The following SV2B variants were observed in gnomAD, a reference collection of about 807,000 sequenced individuals.
The protein encoded by SV2B is solute carrier family 22 member B2.
SV2B carries 41 observed loss-of-function variants against 73.9 expected under a neutral mutation model. The ratio of observed to expected loss-of-function variants is 0.56; its 90% CI spans 0.43 to 0.72. The LOEUF (loss-of-function observed/expected upper bound fraction) is 0.72. Ranked by LOEUF, SV2B falls within the 30% of genes least tolerant of loss-of-function variation. SV2B has a pLI of 0.00. For missense variants in SV2B, 764 were observed against 857.8 expected (o/e 0.89, Z 1.37); for synonymous variants, 314 against 314.2 (o/e 1.00, Z 0.01).
At position 91,110,714 on chromosome 15, in the gene SV2B, C is replaced by G. The variant is rs573036032; in HGVS notation, c.-392+10351C>G. 6.6e-6 allele frequency among the ~76,000 whole-genome samples: 1 copy of G among 152,158 alleles called. No individual in the cohort carries two copies. Among genetic ancestry groups the G allele is most frequent in the Non-Finnish European group, 1.5e-5 (1 of 68,026 alleles). Reference sequence around the variant, plus strand: ...GGGGCTGGAAAGGTCATGGGAATGTCGGGAGCCTCTGCCCTTGACCCTGGA... The same window carrying G: ...GGGGCTGGAAAGGTCATGGGAATGTGGGGAGCCTCTGCCCTTGACCCTGGA... On this transcript the variant is annotated intron_variant, in intron 1 of 12. Coordinates refer to ENST00000394232, the MANE Select transcript of SV2B (RefSeq NM_001323032.3). The surrounding 1 kb of genome is among the most constrained non-coding windows in gnomAD (Gnocchi z 5.4).
chr15:91,266,689 G>T lies in SV2B; in HGVS notation c.1116G>T (p.Lys372Asn). 4.3e-6 allele frequency: 7 copies of T among 1,612,870 alleles called. No homozygotes were observed. Among genetic ancestry groups the T allele is most frequent in the Non-Finnish European group, 5.9e-6 (7 of 1,179,204 alleles). The part of the protein sequence containing the change: ...RWLVRFKTIF[K>N]QVWDNALYCV... ...TGGTCAGATTCAAGACCATTTTCAAGCAGGTATGATTGGGAACTTACTTTG... is the reference window on the plus strand; with the variant it reads ...TGGTCAGATTCAAGACCATTTTCAATCAGGTATGATTGGGAACTTACTTTG... The change falls in exon 7 of 13, where the codon AAG becomes AAT. Residue 372 changes from lysine (K) to asparagine (N), a missense_variant. Transcript: ENST00000394232.
rs753805762 is a variant in SV2B at position 91,140,531 on chromosome 15, C to G, written c.-392+40168C>G. ...CACACACTTCTGGCTGAAACTGGCC[C>G]CTAGTTAGCACTAGCTCATTCATTA... On this transcript the variant is annotated intron_variant, in intron 1 of 12. Coordinates refer to ENST00000394232, the MANE Select transcript of SV2B (RefSeq NM_001323032.3). This position sits in a 1 kb window ranked among gnomAD's most constrained non-coding sequence, Gnocchi z 4.4. Among the ~76,000 whole-genome samples, 9 of 152,112 alleles carry G rather than the reference C, an allele frequency of 5.9e-5. No homozygotes were observed. Among genetic ancestry groups the G allele is most frequent in the Admixed American group, 2.0e-4 (3 of 15,274 alleles).
chr15:91,169,408 T>G (rs1164158215), intron 1 of SV2B, among the ~76,000 whole-genome samples: 1 of 152,138 alleles, frequency 6.6e-6, no homozygotes, highest in Non-Finnish European at 1.5e-5. Flanking sequence ...AACGAATGAA[T>G]GAAAGACAGC....
rs746385056 is a variant in SV2B at position 91,292,401 on chromosome 15, G to A, written c.1901G>A (p.Cys634Tyr). 8.1e-6 allele frequency: 13 copies of A among 1,614,026 alleles called. No individual in the cohort carries two copies. The highest frequency in any genetic ancestry group is 1.0e-5 in the Non-Finnish European group (12 of 1,180,032). Residue 634 changes from cysteine (C) to tyrosine (Y), a missense_variant, in exon 13 of 13, where the codon TGC (cysteine) becomes TAC (tyrosine). Coordinates refer to ENST00000394232, the MANE Select transcript of SV2B (RefSeq NM_001323032.3). Reference sequence around the variant, plus strand: ...GCCTTCGGCATTCTCAATGGATTATGCAAATTTGGCGCCATCCTGGGAAAC... The same window carrying A: ...GCCTTCGGCATTCTCAATGGATTATACAAATTTGGCGCCATCCTGGGAAAC... ...ATAFGILNGLCKFGAILGNTI... is the reference protein window; with the variant it reads ...ATAFGILNGLYKFGAILGNTI...
In SV2B at chr15:91,234,837, A is replaced by T. The variant is rs562527395; in HGVS notation, c.451+8123A>T. ...GTGGGCTTTTACTAGGTGACTGTGC[A>T]TTGGGGAAAGGAAAATAGTCAGACC... On this transcript the variant is annotated intron_variant, in intron 2 of 12. Coordinates refer to ENST00000394232, the MANE Select transcript of SV2B (RefSeq NM_001323032.3). The surrounding 1 kb of genome is among the most constrained non-coding windows in gnomAD (Gnocchi z 5.6). Among the ~76,000 whole-genome samples, 1 of 152,330 alleles carries T rather than the reference A, an allele frequency of 6.6e-6. No homozygotes were observed. Among genetic ancestry groups the T allele is most frequent in the African/African-American group, 2.4e-5 (1 of 41,574 alleles).
chr15:91,164,944 T>A (rs2043857417), intron 1 of SV2B, among the ~76,000 whole-genome samples: 1 of 152,218 alleles, frequency 6.6e-6, no homozygotes, highest in South Asian at 2.1e-4. Context: ...TTCTAAACAT[T>A]ACAAAATTAT....
Position 91,214,886 on chromosome 15 carries a change from T to A in SV2B, c.-391-10987T>A, listed in dbSNP as rs773137045. On this transcript the variant is annotated intron_variant, in intron 1 of 12. Coordinates refer to ENST00000394232, the MANE Select transcript of SV2B (RefSeq NM_001323032.3). The surrounding 1 kb of genome is among the most constrained non-coding windows in gnomAD (Gnocchi z 4.7). ...CTTCAGGAGCAAGCCTTCTGCCATC[T>A]GCCAGGCAGTTCTGTTTTGGATAAA... Among the ~76,000 whole-genome samples the A allele has an allele frequency of 2.6e-5, 4 of 152,250 alleles. No individual in the cohort carries two copies. The highest frequency in any genetic ancestry group is 4.4e-5 in the Non-Finnish European group (3 of 68,044).
chr15:91,175,217 A>G (rs565118769), intron 1 of SV2B, among the ~76,000 whole-genome samples: 1 of 151,838 alleles, frequency 6.6e-6, no homozygotes, highest in East Asian at 1.9e-4. Flanking sequence ...AAGCTGATCT[A>G]TTGGGTGTTT....
At chr15:91,146,484 G>A (rs1474089065) in intron 1 of SV2B, among the ~76,000 whole-genome samples, 1 of 152,098 alleles carries the variant, frequency 6.6e-6, no homozygotes, top group Non-Finnish European at 1.5e-5. Context: ...TGTGAAGAAT[G>A]TCAACGGTAG....
rs2047495628 is a variant in SV2B, at chr15:91,251,848, G to T, written c.481G>T (p.Gly161Cys). 6.2e-7 allele frequency: 1 copy of T among 1,614,060 alleles called. No homozygotes were observed. Among genetic ancestry groups the T allele is most frequent in the Non-Finnish European group, 8.5e-7 (1 of 1,180,020 alleles). ...GATAGTCTACTTGGGAATGATGGCG[G>T]GCGCCTTCATCCTGGGAGGCCTGGC... ...GMIVYLGMMA[G>C]AFILGGLADK... The change falls in exon 3 of 13, where the codon GGC (glycine) becomes TGC (cysteine). Residue 161 changes from glycine to cysteine, a missense_variant. Physicochemically the swap from Gly to Cys is radical, Grantham distance 159. Coordinates refer to ENST00000394232, the MANE Select transcript of SV2B (RefSeq NM_001323032.3).
Position 91,300,051 on chromosome 15 carries a change from G to C in SV2B, c.*7499G>C, listed in dbSNP as rs2049391530. On this transcript the variant is annotated 3_prime_UTR_variant, in exon 13 of 13. Transcript: ENST00000394232. ...GTGTGCATATATACACACAAGGTTT[G>C]GTTTAATATACTTGCTGTGCACTAG... 6.6e-6 allele frequency: 1 copy of C among 152,164 alleles called. No individual in the cohort carries two copies. The highest frequency in any genetic ancestry group is 1.5e-5 in the Non-Finnish European group (1 of 68,034). 9.4% of individuals were successfully genotyped at this position (152,164 alleles called of 1,614,324 possible). A position where few individuals can be genotyped will look rare whatever the true frequency, so the allele number is the denominator to read the frequency against.
intron 1 of SV2B, among the ~76,000 whole-genome samples, chr15:91,172,739 C>T (rs1022221662): frequency 6.6e-6 from 1 of 152,234 alleles, no homozygotes; most frequent in Non-Finnish European, 1.5e-5. Flanking sequence ...GTTGCCGAAC[C>T]TCTCTGCACT....
chr15:91,124,131 G>T lies in SV2B; in HGVS notation c.-392+23768G>T, dbSNP rs1434385981. Among the ~76,000 whole-genome samples, 1 of 152,120 alleles carries T rather than the reference G, an allele frequency of 6.6e-6. No homozygotes were observed. Among genetic ancestry groups the T allele is most frequent in the Non-Finnish European group, 1.5e-5 (1 of 68,022 alleles). ...GGGCAAACTGTGTTTTGGCTTGCTG[G>T]TACTGGTTTGCCATTCTTTTCTCAC... On this transcript the variant is annotated intron_variant, in intron 1 of 12. Coordinates refer to ENST00000394232, the MANE Select transcript of SV2B (RefSeq NM_001323032.3). The surrounding 1 kb of genome is among the most constrained non-coding windows in gnomAD (Gnocchi z 4.6).
chr15:91,146,538 G>A (rs12905769), intron 1 of SV2B, among the ~76,000 whole-genome samples: 151,661 of 152,364 alleles, frequency 1, 75,483 homozygotes, highest in East Asian at 1. Context: ...TTTGGGCAGT[G>A]TGGCCATTTT....
chr15:91,221,693 G>GCGCACACACA (rs370290337), intron 1 of SV2B, among the ~76,000 whole-genome samples: 35 of 140,156 alleles, frequency 2.5e-4, no homozygotes, highest in African/African-American at 9.5e-4. Context: ...AAGCATGTGC[G>GCGCACACACA]CACACACACA....
chr15:91,198,131 G>A lies in SV2B; in HGVS notation c.-391-27742G>A, dbSNP rs575178191. On this transcript the variant is annotated intron_variant, in intron 1 of 12. Coordinates refer to ENST00000394232, the MANE Select transcript of SV2B (RefSeq NM_001323032.3). ...AATCTCTGGTGAGGAAAAGAAAGGA[G>A]CCAGATGAAAAAGTCTGCCCCGGTG... is the stretch of plus-strand genomic sequence containing the variant. Among the ~76,000 whole-genome samples, 622 of 152,268 alleles carry A rather than the reference G, an allele frequency of 4.1e-3. 4 individuals carry two copies. Among genetic ancestry groups the A allele is most frequent in the African/African-American group, 0.014 (585 of 41,546 alleles).
At position 91,107,727 on chromosome 15, in the gene SV2B, A is replaced by T. The variant is rs1444146524; in HGVS notation, c.-392+7364A>T. Among the ~76,000 whole-genome samples the T allele has an allele frequency of 2.0e-5, 3 of 152,210 alleles. No individual in the cohort carries two copies. The East Asian group carries it at 5.8e-4, about 29-fold the overall frequency. ...CGGGCTCAAGTGATCTTCCCATCTC[A>T]GCCTCCAAAGTAGCTGGGAATACAG... On this transcript the variant is annotated intron_variant, in intron 1 of 12. Coordinates refer to ENST00000394232, the MANE Select transcript of SV2B (RefSeq NM_001323032.3).
chr15:91,241,345 C>T lies in SV2B; in HGVS notation c.452-10474C>T, dbSNP rs575793297. On this transcript the variant is annotated intron_variant, in intron 2 of 12. Transcript: ENST00000394232. This position sits in a 1 kb window ranked among gnomAD's most constrained non-coding sequence, Gnocchi z 4.8. ...TGCATCCGACTTTTCCTCCATCTGTCCCTAAACCCCGTTGCTGCACCTGGG... is the reference window on the plus strand; with the variant it reads ...TGCATCCGACTTTTCCTCCATCTGTTCCTAAACCCCGTTGCTGCACCTGGG... 2.0e-5 allele frequency among the ~76,000 whole-genome samples: 3 copies of T among 152,284 alleles called. No homozygotes were observed. The Middle Eastern group carries it at 0.01, about 518-fold the overall frequency.
Position 91,292,577 on chromosome 15 carries a change from C to A in SV2B, c.*25C>A. ...AACAACCTATGGGAAAAGGAAAGGT[C>A]GAGAGAATCTTGTCCAGGACACTGA... is the stretch of plus-strand genomic sequence containing the variant. On this transcript the variant is annotated 3_prime_UTR_variant, in exon 13 of 13. Transcript: ENST00000394232. 1.9e-6 allele frequency: 3 copies of A among 1,601,030 alleles called. No homozygotes were observed. The highest frequency in any genetic ancestry group is 2.6e-6 in the Non-Finnish European group (3 of 1,174,294).
Sources: gnomAD v4.1 joint callset for allele counts (sites outside exome capture counted in the v4.1 genomes callset) on GRCh38, gnomAD v4.1.1 for gene constraint, Gnocchi (gnomAD v3.1) non-coding constraint, MANE v1.5 for transcripts, NCBI Gene and HGNC (gene_info 2026-07-23, HGNC 2026-07-21) for gene names.